Variants in MCU observed in about 807,000 individuals in gnomAD.
MCU encodes the protein calcium uniporter protein, mitochondrial.
In MCU, 12 loss-of-function variants were observed where a neutral mutation model predicts 45.2. That is an observed-to-expected ratio of 0.27 (90% CI 0.17 to 0.43). The LOEUF is 0.43. Ranked by LOEUF, MCU falls within the 20% of genes least tolerant of loss-of-function variation. The pLI, the probability that MCU is intolerant of heterozygous loss-of-function variation, is 1.00. For synonymous variants in MCU, 160 were observed against 165.1 expected (o/e 0.97, Z 0.24); for missense variants, 324 against 436.7 (o/e 0.74, Z 2.30).
chr10:72,803,954 GACCAGAC>G (rs2132786038), intron 1 of MCU, among the ~76,000 whole-genome samples: 1 of 134,150 alleles, frequency 7.5e-6, no homozygotes, highest in South Asian at 2.5e-4. Context: ...TCCAAACAAG[GACCAGAC>G]ATTGTATTCT....
intron 6 of MCU, 150 bp downstream of exon 6, chr10:72,871,730 A>G (rs1845545959): frequency 3.0e-6 from 2 of 664,800 alleles, no homozygotes; most frequent in East Asian, 2.7e-5. Context: ...GTATTAGGCA[A>G]TATTCTAAGC....
intron 1 of MCU, among the ~76,000 whole-genome samples, chr10:72,717,081 C>T (rs1842963449): frequency 6.6e-6 from 1 of 151,668 alleles, no homozygotes; most frequent in African/African-American, 2.4e-5. Flanking sequence ...CTTGTTTTCC[C>T]TACTATTTGA....
rs542196819 is a variant in MCU, at chr10:72,697,185, C to T, written c.150+4884C>T. On this transcript the variant is annotated intron_variant, in intron 1 of 7. Coordinates refer to ENST00000373053, the MANE Select transcript of MCU (RefSeq NM_138357.3). ...AGGCTGGAGTGCAGTGGCGTGATCT[C>T]GGCTCACTGCAACTTCCACCTCCTG... is the stretch of plus-strand genomic sequence containing the variant. 9.2e-5 allele frequency among the ~76,000 whole-genome samples: 14 copies of T among 152,020 alleles called. No individual in the cohort carries two copies. In the East Asian group the frequency reaches 2.1e-3, roughly 23 times the overall value.
At position 72,868,793 on chromosome 10, in the gene MCU, A is replaced by G. The variant is rs1845497627; in HGVS notation, c.587A>G (p.Gln196Arg). ...LYTTLCIEQH[Q>R]LNKERELIER... is the part of the protein sequence containing the mutation. ...ACCACACTGTGCATTGAGCAGCACC[A>G]GTTAAACAAGGAAAGGGAGCTTATT... The change falls in exon 5 of 8, where the codon CAG becomes CGG. Residue 196 changes from glutamine to arginine, a missense_variant. Gln to Arg is a conservative substitution (Grantham distance 43). Coordinates refer to ENST00000373053, the MANE Select transcript of MCU (RefSeq NM_138357.3). 1 of 1,614,240 alleles carries G rather than the reference A, an allele frequency of 6.2e-7. No homozygotes were observed. The highest frequency in any genetic ancestry group is 8.5e-7 in the Non-Finnish European group (1 of 1,180,038).
chr10:72,758,990 T>C (rs1843616343), intron 1 of MCU, among the ~76,000 whole-genome samples: 1 of 152,206 alleles, frequency 6.6e-6, no homozygotes, highest in South Asian at 2.1e-4. Context: ...TGTTTGTAGC[T>C]CTGTACCTGT....
intron 1 of MCU, among the ~76,000 whole-genome samples, chr10:72,817,143 C>T (rs962796918): frequency 4.6e-5 from 7 of 152,122 alleles, no homozygotes; most frequent in African/African-American, 7.2e-5. Flanking sequence ...AATATAAGAC[C>T]TCTATATTGT....
intron 1 of MCU, among the ~76,000 whole-genome samples, chr10:72,805,101 C>CTCAT (rs1554824915): frequency 9.7e-6 from 1 of 103,398 alleles, no homozygotes; most frequent in Non-Finnish European, 1.9e-5. Context: ...TTCTTTCTTT[C>CTCAT]TCTTTCTTTC....
intron 1 of MCU, among the ~76,000 whole-genome samples, chr10:72,760,851 C>T (rs1173490413): frequency 6.6e-6 from 1 of 151,642 alleles, no homozygotes; most frequent in Non-Finnish European, 1.5e-5. Flanking sequence ...TGTGCCAGGC[C>T]CATAGATATT....
intron 1 of MCU, among the ~76,000 whole-genome samples, chr10:72,734,118 C>T (rs748471940): frequency 9.2e-5 from 14 of 152,194 alleles, no homozygotes; most frequent in South Asian, 2.1e-4. Context: ...CGTTTGCTCA[C>T]ACCTGTAATT....
chr10:72,744,111 C>T (rs1247921824), intron 1 of MCU, among the ~76,000 whole-genome samples: 1 of 151,256 alleles, frequency 6.6e-6, no homozygotes, highest in Non-Finnish European at 1.5e-5. Flanking sequence ...CCTTTTATCC[C>T]ACTCTTAATA....
chr10:72,740,310 C>G (rs1224214472), intron 1 of MCU, among the ~76,000 whole-genome samples: 2 of 150,390 alleles, frequency 1.3e-5, no homozygotes, highest in Non-Finnish European at 2.9e-5. Flanking sequence ...ACCCGGGAGG[C>G]AGAGATTGCA....
chr10:72,834,683 G>A (rs1844930064), intron 2 of MCU, among the ~76,000 whole-genome samples: 1 of 152,102 alleles, frequency 6.6e-6, no homozygotes, highest in South Asian at 2.1e-4. Context: ...TTATTTTTGA[G>A]ATGGAGCCTT....
intron 1 of MCU, among the ~76,000 whole-genome samples, chr10:72,757,620 A>T (rs1771685440): frequency 6.6e-6 from 1 of 152,128 alleles, no homozygotes; most frequent in African/African-American, 2.4e-5. Flanking sequence ...CTAAAGAGGG[A>T]AAGAATTTAT....
intron 1 of MCU, among the ~76,000 whole-genome samples, chr10:72,778,118 T>A (rs1255005684): frequency 6.6e-6 from 1 of 151,924 alleles, no homozygotes; most frequent in Admixed American, 6.6e-5. Context: ...CAATATGGAG[T>A]TTCCTCAAAA....
chr10:72,797,534 C>CTTTTT (rs11411848), intron 1 of MCU, among the ~76,000 whole-genome samples: 1 of 115,698 alleles, frequency 8.6e-6, no homozygotes, highest in Non-Finnish European at 1.7e-5. Flanking sequence ...CCATAATATA[C>CTTTTT]TTTTTTTTTT....
At chr10:72,826,901 T>A (rs1589482551) in intron 1 of MCU, among the ~76,000 whole-genome samples, 1 of 152,210 alleles carries the variant, frequency 6.6e-6, no homozygotes, top group Non-Finnish European at 1.5e-5. Flanking sequence ...TACAGTACAA[T>A]AAGATATTTT....
chr10:72,704,517 A>ATT (rs138574555), intron 1 of MCU, among the ~76,000 whole-genome samples: 4 of 149,432 alleles, frequency 2.7e-5, no homozygotes, highest in African/African-American at 9.8e-5. Flanking sequence ...AAAATTTGTG[A>ATT]TTTTTTTTTT....
chr10:72,695,533 A>G (rs1564530993), intron 1 of MCU, among the ~76,000 whole-genome samples: 1 of 152,074 alleles, frequency 6.6e-6, no homozygotes, highest in Non-Finnish European at 1.5e-5. Context: ...TTCAGCCTTT[A>G]TCACCCCTAA....
At chr10:72,860,651 T>C (rs1179244663) in intron 4 of MCU, 124 bp downstream of exon 4, 3 of 701,142 alleles carry the variant, frequency 4.3e-6, no homozygotes, top group East Asian at 2.7e-5. Context: ...AAGTTTTATA[T>C]ACAGATAGAC....
Sources: gnomAD v4.1 joint callset for allele counts (sites outside exome capture counted in the v4.1 genomes callset) on GRCh38, gnomAD v4.1.1 for gene constraint, MANE v1.5 for transcripts, NCBI Gene and HGNC (gene_info 2026-07-23, HGNC 2026-07-21) for gene names.